CCDC148: variants seen among roughly 807,000 people sequenced by gnomAD.
CCDC148 encodes the protein coiled-coil domain-containing protein 148.
In CCDC148, 89 loss-of-function variants were observed where a neutral mutation model predicts 85.7. That is an observed-to-expected ratio of 1.04 (90% CI 0.87 to 1.24). The LOEUF (loss-of-function observed/expected upper bound fraction) is 1.24. CCDC148 is among the 50% of genes most tolerant of loss of function. The pLI is 0.00. For missense variants in CCDC148, 692 were observed against 671.7 expected, an observed-to-expected ratio of 1.03 and a Z score of -0.33; for synonymous variants, 230 against 213.9, an observed-to-expected ratio of 1.08 and a Z score of -0.66.
chr2:158,425,666 C>A (rs933871377), intron 1 of CCDC148, among the ~76,000 whole-genome samples: 1 of 152,082 alleles, frequency 6.6e-6, no homozygotes, highest in Non-Finnish European at 1.5e-5. Context: ...GTTTGTTGTG[C>A]GGAGAGAATT....
intron 7 of CCDC148, among the ~76,000 whole-genome samples, chr2:158,320,873 AATTAC>A (rs1692490272): frequency 1.3e-5 from 2 of 152,196 alleles, no homozygotes; most frequent in African/African-American, 4.8e-5. Context: ...TAGCTAAAAC[AATTAC>A]ATTAAAAAGG....
At chr2:158,435,524 T>G (rs1011504059) in intron 1 of CCDC148, among the ~76,000 whole-genome samples, 2 of 152,104 alleles carry the variant, frequency 1.3e-5, no homozygotes, top group East Asian at 3.8e-4. Flanking sequence ...TGCAAAAACA[T>G]GACAAATTGT....
At chr2:158,378,076 CAAAATGAGATG>C (rs1684727751) in intron 1 of CCDC148, among the ~76,000 whole-genome samples, 1 of 151,876 alleles carries the variant, frequency 6.6e-6, no homozygotes. Context: ...TGTCAAAAGC[CAAAATGAGATG>C]AAAGTTAGAC....
chr2:158,245,280 G>T (rs986975102), intron 10 of CCDC148, among the ~76,000 whole-genome samples: 3 of 152,130 alleles, frequency 2.0e-5, no homozygotes, highest in African/African-American at 7.2e-5. Context: ...GGGGGTGGGG[G>T]AACACCCAAG....
chr2:158,328,199 T>C (rs1419364183), intron 7 of CCDC148, among the ~76,000 whole-genome samples: 3 of 152,176 alleles, frequency 2.0e-5, no homozygotes, highest in Non-Finnish European at 4.4e-5. Flanking sequence ...GTGTGCGATG[T>C]TGCCCTTCCT....
chr2:158,302,779 TAA>T (rs5835699), intron 9 of CCDC148, among the ~76,000 whole-genome samples: 102 of 135,896 alleles, frequency 7.5e-4, no homozygotes, highest in Middle Eastern at 4.0e-3. Flanking sequence ...TGAGACTCCA[TAA>T]AAAAAAAAAA....
chr2:158,218,413 A>AT (rs954988184), intron 11 of CCDC148, among the ~76,000 whole-genome samples: 1 of 151,906 alleles, frequency 6.6e-6, no homozygotes, highest in Non-Finnish European at 1.5e-5. Flanking sequence ...TAATATGCTT[A>AT]TTTTTTTTCT....
At chr2:158,282,242 A>C (rs960146107) in intron 9 of CCDC148, among the ~76,000 whole-genome samples, 27 of 151,972 alleles carry the variant, frequency 1.8e-4, no homozygotes, top group African/African-American at 6.3e-4. Context: ...CTCTCTCACC[A>C]CTCCTATTGA....
chr2:158,446,234 A>G (rs2105346799), intron 1 of CCDC148, among the ~76,000 whole-genome samples: 1 of 152,238 alleles, frequency 6.6e-6, no homozygotes, highest in Non-Finnish European at 1.5e-5. Context: ...CCATGCCTGT[A>G]GTCCCAGCTA....
intron 10 of CCDC148, among the ~76,000 whole-genome samples, chr2:158,244,564 C>T (rs1308817679): frequency 6.6e-6 from 1 of 152,174 alleles, no homozygotes; most frequent in Non-Finnish European, 1.5e-5. Flanking sequence ...GAGGCCACCA[C>T]ATTCCTTGCC....
intron 1 of CCDC148, among the ~76,000 whole-genome samples, chr2:158,431,374 AAC>A (rs923574011): frequency 6.6e-6 from 1 of 152,016 alleles, no homozygotes; most frequent in African/African-American, 2.4e-5. Context: ...TATATAGAAA[AAC>A]ACAGAGAAGA....
intron 9 of CCDC148, 140 bp from the exon 10 acceptor site, chr2:158,251,052 G>A (rs1688773069): frequency 1.5e-6 from 1 of 669,406 alleles, no homozygotes; most frequent in African/African-American, 1.9e-5. Flanking sequence ...GCACATGACT[G>A]TGTGATGTAT....
At chr2:158,370,668 T>C (rs1684399765) in intron 1 of CCDC148, among the ~76,000 whole-genome samples, 1 of 151,220 alleles carries the variant, frequency 6.6e-6, no homozygotes. Context: ...AAGATAAATT[T>C]ATTGTCCTGA....
chr2:158,190,496 T>C (rs924042116), intron 11 of CCDC148, among the ~76,000 whole-genome samples: 2 of 152,020 alleles, frequency 1.3e-5, no homozygotes, highest in Non-Finnish European at 2.9e-5. Context: ...CATCTGGATT[T>C]TGAATACTTA....
At chr2:158,308,417 T>G (rs1327984032) in intron 9 of CCDC148, among the ~76,000 whole-genome samples, 1 of 152,248 alleles carries the variant, frequency 6.6e-6, no homozygotes, top group Non-Finnish European at 1.5e-5. Context: ...TTGATGCAGC[T>G]TCTATTCCTT....
At chr2:158,439,840 T>A (rs1328962066) in intron 1 of CCDC148, among the ~76,000 whole-genome samples, 1 of 152,130 alleles carries the variant, frequency 6.6e-6, no homozygotes, top group Admixed American at 6.5e-5. Context: ...TACACACACA[T>A]TACAGCGGAT....
intron 10 of CCDC148, among the ~76,000 whole-genome samples, chr2:158,241,086 C>T (rs1163917171): frequency 6.6e-6 from 1 of 152,116 alleles, no homozygotes; most frequent in Non-Finnish European, 1.5e-5. Flanking sequence ...CTCTCCTAAC[C>T]GCTCCAACTT....
At chr2:158,360,759 G>A (rs189727660) in intron 1 of CCDC148, among the ~76,000 whole-genome samples, 76 of 152,076 alleles carry the variant, frequency 5.0e-4, no homozygotes, top group African/African-American at 1.6e-3. Flanking sequence ...AAACCAGTAC[G>A]CCTCTTCCAC....
chr2:158,273,484 C>T (rs1223201914), intron 9 of CCDC148, among the ~76,000 whole-genome samples: 2 of 152,142 alleles, frequency 1.3e-5, no homozygotes, highest in Non-Finnish European at 2.9e-5. Flanking sequence ...CAAGAAAGTG[C>T]CTGATGGGCA....
Sources: allele counts gnomAD v4.1 joint callset (sites outside exome capture counted in the v4.1 genomes callset), GRCh38; gene constraint gnomAD v4.1.1; transcripts MANE v1.5; gene names NCBI Gene and HGNC (gene_info 2026-07-23, HGNC 2026-07-21).